ZMYND12: variants seen among roughly 807,000 people sequenced by gnomAD.
ZMYND12 encodes the protein zinc finger MYND-type containing 12.
A neutral mutation model predicts 41.7 loss-of-function variants in ZMYND12; 32 were observed. That is an observed-to-expected ratio of 0.77 (90% confidence interval 0.58 to 1.03). The LOEUF (loss-of-function observed/expected upper bound fraction) is 1.03. Among genes scored for constraint, ZMYND12 ranks in the 50% least tolerant of loss-of-function variants. The pLI is 0.00. For synonymous variants in ZMYND12, 148 were observed against 164.8 expected (o/e 0.90, Z 0.78); for missense variants, 424 against 438.5 (o/e 0.97, Z 0.30).
chr1:42,436,377 C>A lies in ZMYND12; in HGVS notation c.717+44G>T, dbSNP rs1219354846. On this transcript the variant is annotated intron_variant, in intron 5 of 7. Coordinates refer to ENST00000372565, the MANE Select transcript of ZMYND12 (RefSeq NM_032257.5). The stretch of plus-strand genomic sequence containing the variant: ...TAGTCTAATACAAGTTGTAAGACAC[C>A]AAGCCTAAGAGTGAAGGCTCAGCTC... 3.1e-6 allele frequency: 5 copies of A among 1,608,856 alleles called. No homozygotes were observed. The East Asian group carries it at 8.9e-5, about 29-fold the overall frequency.
chr1:42,452,066 A>G (rs1643088929), intron 1 of ZMYND12, among the ~76,000 whole-genome samples: 1 of 152,188 alleles, frequency 6.6e-6, no homozygotes, highest in Admixed American at 6.5e-5. Flanking sequence ...GTTTTTTTTT[A>G]AGCTGAATTT....
At chr1:42,441,469 C>T (rs192107289) in intron 3 of ZMYND12, among the ~76,000 whole-genome samples, 295 of 152,282 alleles carry the variant, frequency 1.9e-3, no homozygotes, top group African/African-American at 6.1e-3. Context: ...ACATCATTCC[C>T]TATGCTTTAA....
chr1:42,441,706 C>T (rs1184259613), intron 3 of ZMYND12, among the ~76,000 whole-genome samples: 2 of 151,720 alleles, frequency 1.3e-5, no homozygotes, highest in Non-Finnish European at 3.0e-5. Context: ...CTGCAAGCTC[C>T]GCCTCCCAGG....
intron 1 of ZMYND12, among the ~76,000 whole-genome samples, chr1:42,452,399 T>C (rs369243419): frequency 1.3e-5 from 2 of 152,214 alleles, no homozygotes; most frequent in East Asian, 3.8e-4. Context: ...TGTTTTAGTA[T>C]GTACTTCCAT....
At position 42,430,767 on chromosome 1, in the gene ZMYND12, A is replaced by C; in HGVS notation, c.1067T>G (p.Leu356Arg). 1 of 1,614,184 alleles carries C rather than the reference A, an allele frequency of 6.2e-7. No individual in the cohort carries two copies. Among genetic ancestry groups the C allele is most frequent in the South Asian group, 1.1e-5 (1 of 91,082 alleles). ...AATGGGATGGTCTTCAGTTGAAATG[A>C]GACTTAATAACTCTTGAATGGTGCT... Reference protein sequence around the residue: ...EQSTIQELLSLISTEDHPIT With the variant: ...EQSTIQELLSRISTEDHPIT Residue 356 changes from leucine (L) to arginine (R), a missense_variant, in exon 8 of 8, where the codon CTC becomes CGC. By Grantham distance (102) the Leu-to-Arg change is moderately radical. Coordinates refer to ENST00000372565, the MANE Select transcript of ZMYND12 (RefSeq NM_032257.5).
rs1323754897 is a variant in ZMYND12, at chr1:42,433,323, C to T, written c.830-35G>A. ...AAGGGGAAGAAAGAAAAAACAGGCT[C>T]TTGGCAACTGAGTCTGCCCTCATCA... is the stretch of plus-strand genomic sequence containing the variant. On this transcript the variant is annotated intron_variant, in intron 6 of 7. Transcript: ENST00000372565. The T allele has an allele frequency of 2.5e-6, 4 of 1,581,714 alleles. No individual in the cohort carries two copies. The East Asian group carries it at 9.0e-5, about 36-fold the overall frequency.
At chr1:42,435,980 A>C (rs1642904443) in intron 5 of ZMYND12, among the ~76,000 whole-genome samples, 1 of 152,216 alleles carries the variant, frequency 6.6e-6, no homozygotes, top group Non-Finnish European at 1.5e-5. Context: ...AATATATTGG[A>C]AACAGTTTAA....
intron 5 of ZMYND12, among the ~76,000 whole-genome samples, chr1:42,436,106 A>C (rs1642905548): frequency 6.6e-6 from 1 of 152,230 alleles, no homozygotes; most frequent in African/African-American, 2.4e-5. Context: ...CAATAAGCCC[A>C]CATTAGCTTG....
chr1:42,438,357 G>A (rs1642929827), intron 4 of ZMYND12, among the ~76,000 whole-genome samples: 1 of 152,152 alleles, frequency 6.6e-6, no homozygotes, highest in Non-Finnish European at 1.5e-5. Flanking sequence ...AAAGCCTAGT[G>A]AAACACCAGG....
chr1:42,450,137 TCC>T, intron 1 of ZMYND12, 78 bp from the exon 2 acceptor site: 1 of 1,530,860 alleles, frequency 6.5e-7, no homozygotes, highest in Non-Finnish European at 8.8e-7. Context: ...TACTGGCCTA[TCC>T]CTAGACACCA....
Position 42,436,539 on chromosome 1 carries a change from T to C in ZMYND12, c.599A>G (p.Tyr200Cys), listed in dbSNP as rs1642909862. 6.2e-7 allele frequency: 1 copy of C among 1,612,826 alleles called. No homozygotes were observed. Among genetic ancestry groups the C allele is most frequent in the Non-Finnish European group, 8.5e-7 (1 of 1,179,048 alleles). ...EARYHLANDIYFASCAFGTED... is the reference protein window; with the variant it reads ...EARYHLANDICFASCAFGTED... ...TGTTCCAAATGCACAACTGGCAAAA[T>C]AAATCTATAGCAGAAGGAAGAAGGA... Residue 200 changes from tyrosine (Y) to cysteine (C), a missense_variant, in exon 5 of 8, where the codon TAT becomes TGT. By Grantham distance (194) the Tyr-to-Cys change is radical (BLOSUM62 -2). Coordinates refer to ENST00000372565, the MANE Select transcript of ZMYND12 (RefSeq NM_032257.5).
At chr1:42,436,750 T>C (rs1040435155) in intron 4 of ZMYND12, among the ~76,000 whole-genome samples, 1 of 151,308 alleles carries the variant, frequency 6.6e-6, no homozygotes, top group Non-Finnish European at 1.5e-5. Context: ...ATTAGGTAAA[T>C]GCAAAACAAA....
chr1:42,439,918 G>T lies in ZMYND12; in HGVS notation c.532C>A (p.Leu178Met), dbSNP rs1365623174. 1 of 1,614,068 alleles carries T rather than the reference G, an allele frequency of 6.2e-7. No homozygotes were observed. Among genetic ancestry groups the T allele is most frequent in the Admixed American group, 1.7e-5 (1 of 59,998 alleles). Reference protein sequence around the residue: ...NATHSLLHRNLGLLYIAKKNY... With the variant: ...NATHSLLHRNMGLLYIAKKNY... ...TTCTTAGCTATATAGAGAAGTCCCA[G>T]ATTCCGATGCAGTAAAGAGTGGGTG... The change falls in exon 4 of 8, where the codon CTG (leucine) becomes ATG (methionine). Residue 178 changes from leucine to methionine, a missense_variant. Physicochemically the swap from Leu to Met is conservative, Grantham distance 15. Transcript: ENST00000372565.
At chr1:42,452,434 T>C (rs944913289) in intron 1 of ZMYND12, among the ~76,000 whole-genome samples, 18 of 152,134 alleles carry the variant, frequency 1.2e-4, no homozygotes, top group African/African-American at 3.9e-4. Flanking sequence ...TTAAAAATGT[T>C]CTACTGTCCT....
intron 6 of ZMYND12, among the ~76,000 whole-genome samples, chr1:42,433,861 T>C (rs932777612): frequency 6.6e-6 from 1 of 152,186 alleles, no homozygotes; most frequent in East Asian, 1.9e-4. Context: ...TACATGCATT[T>C]AAAAGCACTT....
chr1:42,454,690 C>T (rs1014016303), intron 1 of ZMYND12, among the ~76,000 whole-genome samples: 1 of 148,520 alleles, frequency 6.7e-6, no homozygotes, highest in African/African-American at 2.4e-5. Context: ...CTACCTATCA[C>T]AATGATGTTC....
At chr1:42,450,956 A>C (rs1643077643) in intron 1 of ZMYND12, among the ~76,000 whole-genome samples, 1 of 152,238 alleles carries the variant, frequency 6.6e-6, no homozygotes, top group African/African-American at 2.4e-5. Context: ...GTATGAAATC[A>C]ATCTCTATAA....
rs562402372 is a variant in ZMYND12, at chr1:42,435,553, C to T, written c.718-168G>A. Reference sequence around the variant, plus strand: ...CCCTAGGAGCCCAAACAGGCCTGGCCAAGGTAAGTGTGACAAGTGATGGGC... The same window carrying T: ...CCCTAGGAGCCCAAACAGGCCTGGCTAAGGTAAGTGTGACAAGTGATGGGC... On this transcript the variant is annotated intron_variant, in intron 5 of 7. Coordinates refer to ENST00000372565, the MANE Select transcript of ZMYND12 (RefSeq NM_032257.5). 1.3e-5 allele frequency: 7 copies of T among 558,562 alleles called. No individual in the cohort carries two copies. The African/African-American group carries it at 1.3e-4, about 11-fold the overall frequency. The allele number at this position is 558,562 out of a possible 1,614,324, so 34.6% of individuals were successfully genotyped here. A position where few individuals can be genotyped will look rare whatever the true frequency, so the allele number is the denominator to read the frequency against.
rs753113752 is a variant in ZMYND12, at chr1:42,436,379, A to G, written c.717+42T>C. 3 of 1,609,598 alleles carry G rather than the reference A, an allele frequency of 1.9e-6. No homozygotes were observed. The African/African-American group carries it at 4.0e-5, about 22-fold the overall frequency. ...GTCTAATACAAGTTGTAAGACACCA[A>G]GCCTAAGAGTGAAGGCTCAGCTCCC... On this transcript the variant is annotated intron_variant, in intron 5 of 7. Transcript: ENST00000372565.
Sources: gnomAD v4.1 joint callset for allele counts (sites outside exome capture counted in the v4.1 genomes callset) on GRCh38, gnomAD v4.1.1 for gene constraint, MANE v1.5 for transcripts, NCBI Gene and HGNC (gene_info 2026-07-23, HGNC 2026-07-21) for gene names.